COPA: variants seen among roughly 807,000 people sequenced by gnomAD.
COPA encodes coat protein complex I subunit alpha.
In COPA, 10 loss-of-function variants were observed where a neutral mutation model predicts 158.7. The ratio of observed to expected loss-of-function variants is 0.06; its 90% CI spans 0.04 to 0.11. The LOEUF is 0.11. Ranked by LOEUF, COPA falls within the 10% of genes least tolerant of loss-of-function variation. The pLI is 1.00. For synonymous variants in COPA, 462 were observed against 542.8 expected (o/e 0.85, Z 2.07); for missense variants, 1,065 against 1,536.7 (o/e 0.69, Z 5.13).
At chr1:160,305,398 C>G (rs777722432) in intron 17 of COPA, 35 bp downstream of exon 17, 65 of 1,603,512 alleles carry the variant, frequency 4.1e-5, no homozygotes, top group Non-Finnish European at 5.2e-5. Flanking sequence ...AGGAAGCTGT[C>G]TTCTCCCATT....
intron 31 of COPA, 52 bp from the exon 32 acceptor site, chr1:160,290,738 C>T: frequency 1.3e-6 from 2 of 1,536,922 alleles, no homozygotes; most frequent in African/African-American, 1.4e-5. Flanking sequence ...GACAACACCT[C>T]AAAGGATCCC....
At position 160,296,152 on chromosome 1, in the gene COPA, G is replaced by A. The variant is rs1390928708; in HGVS notation, c.2264-3C>T. On this transcript the variant is annotated splice_region_variant and splice_polypyrimidine_tract_variant and intron_variant, in intron 21 of 32. Transcript: ENST00000241704. The stretch of plus-strand genomic sequence containing the variant: ...AGCTGTGAGATAGGCCAGGGACTCT[G>A]TAGAGAAAACAGACTTTGTGGTATA... 1 of 1,613,806 alleles carries A rather than the reference G, an allele frequency of 6.2e-7. No homozygotes were observed. Among genetic ancestry groups the A allele is most frequent in the Non-Finnish European group, 8.5e-7 (1 of 1,179,790 alleles).
chr1:160,290,396 G>T, intron 32 of COPA, 96 bp downstream of exon 32: 2 of 1,459,822 alleles, frequency 1.4e-6, no homozygotes, highest in Non-Finnish European at 9.3e-7. Flanking sequence ...TCAGGGAGCA[G>T]GGGACAAGCA....
chr1:160,325,520 C>T, intron 7 of COPA, 23 bp downstream of exon 7: 1 of 1,583,774 alleles, frequency 6.3e-7, no homozygotes, highest in Non-Finnish European at 8.7e-7. Context: ...CCATATTCAG[C>T]CCCTGGCTAT....
rs1314595703 is a variant in COPA at position 160,297,726 on chromosome 1, T to C, written c.1997A>G (p.Lys666Arg). The change falls in exon 20 of 33, where the codon AAA becomes AGA. Residue 666 changes from lysine (K) to arginine (R), a missense_variant. By Grantham distance (26) the Lys-to-Arg change is conservative (BLOSUM62 2). This residue lies in a region of COPA where 980 missense variants were observed against 1,357.8 expected (regional missense o/e 0.72). Coordinates refer to ENST00000241704, the MANE Select transcript of COPA (RefSeq NM_004371.4). ...CCAGCAGTTCTTGTCATCCAGTGCT[T>C]TGGCTGCTTCCAGAGCAATCTAAAG... ...GNIEIALEAA[K>R]ALDDKNCWEK... 17 of 1,614,034 alleles carry C rather than the reference T, an allele frequency of 1.1e-5. No homozygotes were observed. Among genetic ancestry groups the C allele is most frequent in the Non-Finnish European group, 1.4e-5 (17 of 1,179,980 alleles).
At chr1:160,342,610 T>C (rs574329514) in intron 1 of COPA, among the ~76,000 whole-genome samples, 1 of 152,324 alleles carries the variant, frequency 6.6e-6, no homozygotes, top group African/African-American at 2.4e-5. Context: ...ATTGGGGTTA[T>C]AAGCCTCAAG....
chr1:160,305,820 G>T, intron 15 of COPA, 47 bp from the exon 16 acceptor site: 1 of 1,510,684 alleles, frequency 6.6e-7, no homozygotes, highest in Non-Finnish European at 9.2e-7. Flanking sequence ...TATTTCCCTT[G>T]TCTCAGGCTT....
intron 23 of COPA, 87 bp from the exon 24 acceptor site, chr1:160,294,944 A>G: frequency 9.3e-7 from 1 of 1,072,688 alleles, no homozygotes; most frequent in Non-Finnish European, 1.4e-6. Flanking sequence ...AAATCCTTTC[A>G]AAAACAGGTG....
At position 160,298,931 on chromosome 1, in the gene COPA, T is replaced by C; in HGVS notation, c.1891A>G (p.Lys631Glu). The C allele has an allele frequency of 6.2e-7, 1 of 1,614,116 alleles. No homozygotes were observed. Among genetic ancestry groups the C allele is most frequent in the Non-Finnish European group, 8.5e-7 (1 of 1,180,028 alleles). ...AGTGCCACTTCAGGATAGCCCTTCT[T>C]CTGGAGATAAGCAATAATAGACTGG... ...VGQSIIAYLQ[K>E]KGYPEVALHF... Residue 631 changes from lysine (K) to glutamate (E), a missense_variant, in exon 19 of 33, where the codon AAG (lysine) becomes GAG (glutamate). Lys to Glu is a moderately conservative substitution (Grantham distance 56, BLOSUM62 1). Around this residue, in one of 2 missense-constraint regions of COPA, gnomAD observed 980 missense variants for 1,357.8 expected, o/e 0.72. Coordinates refer to ENST00000241704, the MANE Select transcript of COPA (RefSeq NM_004371.4).
At chr1:160,299,343 G>A in intron 17 of COPA, 79 bp from the exon 18 acceptor site, 8 of 1,411,542 alleles carry the variant, frequency 5.7e-6, no homozygotes, top group African/African-American at 1.4e-5. Context: ...CCTAGGAAAC[G>A]GTCTTTTGTC....
At chr1:160,343,004 C>T (rs1648163237) in intron 1 of COPA, 127 bp downstream of exon 1, 1 of 1,146,254 alleles carries the variant, frequency 8.7e-7, no homozygotes. Flanking sequence ...CTCTCCCACC[C>T]TCCGTCTTCC....
In COPA at chr1:160,340,323, G is replaced by A. The variant is rs150114740; in HGVS notation, c.41-29C>T. On this transcript the variant is annotated intron_variant, in intron 1 of 32. Coordinates refer to ENST00000241704, the MANE Select transcript of COPA (RefSeq NM_004371.4). ...AAAAAAATAGAAAATGATACAATGA[G>A]CTAACTAAGCCCCATGATGTCACCT... The A allele has an allele frequency of 5.8e-4, 822 of 1,412,668 alleles. 10 individuals carry two copies. The Middle Eastern group carries it at 8.6e-3, about 15-fold the overall frequency. The allele number at this position is 1,412,668 out of a possible 1,614,324, so 87.5% of individuals were successfully genotyped here.
At position 160,289,526 on chromosome 1, in the gene COPA, C is replaced by T. The variant is rs1658149383; in HGVS notation, c.*631G>A. ...CCTTTCTAGTTGACAGGAAAGAAAG[C>T]TGCTGTGGGGAAAGGAGGGATAAAT... On this transcript the variant is annotated 3_prime_UTR_variant, in exon 33 of 33. Coordinates refer to ENST00000241704, the MANE Select transcript of COPA (RefSeq NM_004371.4). The T allele has an allele frequency of 6.6e-6, 1 of 151,864 alleles. No individual in the cohort carries two copies. The highest frequency in any genetic ancestry group is 2.4e-5 in the African/African-American group (1 of 41,320). 9.4% of individuals were successfully genotyped at this position (151,864 alleles called of 1,614,324 possible).
chr1:160,295,338 G>C (rs963625350), intron 23 of COPA, among the ~76,000 whole-genome samples: 1 of 152,188 alleles, frequency 6.6e-6, no homozygotes, highest in African/African-American at 2.4e-5. Context: ...GGAAGTGGTG[G>C]AGGGTGATAG....
At chr1:160,341,669 T>A (rs578087560) in intron 1 of COPA, among the ~76,000 whole-genome samples, 4 of 152,380 alleles carry the variant, frequency 2.6e-5, no homozygotes, top group South Asian at 4.1e-4. Context: ...TTGTTTTGTT[T>A]TATAAATCTA....
rs752738237 is a variant in COPA at position 160,340,146 on chromosome 1, T to G, written c.154+35A>C. ...AATACCCCAGGATATTATAAATACTTATACTCCTTTAACTTCCTCCTAGAA... is the reference window on the plus strand; with the variant it reads ...AATACCCCAGGATATTATAAATACTGATACTCCTTTAACTTCCTCCTAGAA... On this transcript the variant is annotated intron_variant, in intron 2 of 32. Coordinates refer to ENST00000241704, the MANE Select transcript of COPA (RefSeq NM_004371.4). The G allele has an allele frequency of 1.9e-5, 29 of 1,526,452 alleles. 1 individual carries two copies. Among genetic ancestry groups the G allele is most frequent in the Non-Finnish European group, 1.8e-6 (2 of 1,101,536 alleles). 94.6% of individuals were successfully genotyped at this position (1,526,452 alleles called of 1,614,324 possible).
chr1:160,307,267 G>A (rs1214512715), intron 13 of COPA, 22 bp from the exon 14 acceptor site: 2 of 1,612,760 alleles, frequency 1.2e-6, no homozygotes, highest in Non-Finnish European at 1.7e-6. Flanking sequence ...AAAACCAAAG[G>A]GTGGGAGCAT....
chr1:160,318,049 T>C (rs998517855), intron 8 of COPA, among the ~76,000 whole-genome samples: 1 of 152,178 alleles, frequency 6.6e-6, no homozygotes, highest in African/African-American at 2.4e-5. Flanking sequence ...GCCCTGATGT[T>C]CTAGCATGTG....
intron 1 of COPA, among the ~76,000 whole-genome samples, chr1:160,340,645 A>G (rs1371693562): frequency 6.6e-6 from 1 of 152,174 alleles, no homozygotes; most frequent in African/African-American, 2.4e-5. Context: ...TGAGGTCTCT[A>G]TTTGAAGCCC....
Sources: gnomAD v4.1 joint callset for allele counts (sites outside exome capture counted in the v4.1 genomes callset) on GRCh38, gnomAD v4.1.1 for gene constraint, gnomAD v4.1.1 regional missense constraint, MANE v1.5 for transcripts, NCBI Gene and HGNC (gene_info 2026-07-23, HGNC 2026-07-21) for gene names.